The following CHEK2 variants were observed in gnomAD, a reference collection of about 807,000 sequenced individuals.
The protein encoded by CHEK2 is serine/threonine-protein kinase Chk2.
A neutral mutation model predicts 69.1 loss-of-function variants in CHEK2; 71 were observed. The ratio of observed to expected loss-of-function variants is 1.03; its 90% confidence interval spans 0.85 to 1.25. The LOEUF (loss-of-function observed/expected upper bound fraction) is 1.25, where lower values mean the gene tolerates loss of function less well. Among genes scored for constraint, CHEK2 ranks in the 50% most tolerant of loss-of-function variants. The pLI is 0.00. For synonymous variants in CHEK2, 189 were observed against 226.9 expected (o/e 0.83, Z 1.50); for missense variants, 664 against 649.6 (o/e 1.02, Z -0.24).
chr22:28,740,407 A>G (rs2054522318), intron 1 of CHEK2, among the ~76,000 whole-genome samples: 1 of 152,144 alleles, frequency 6.6e-6, no homozygotes, highest in African/African-American at 2.4e-5. Context: ...TCTTCCTTAC[A>G]AGACACTGAC....
intron 6 of CHEK2, among the ~76,000 whole-genome samples, chr22:28,710,885 G>A (rs778642833): frequency 1.3e-5 from 2 of 152,054 alleles, no homozygotes; most frequent in Non-Finnish European, 2.9e-5. Flanking sequence ...AAATCAAAAC[G>A]TAAAATTTTA....
intron 8 of CHEK2, among the ~76,000 whole-genome samples, chr22:28,700,319 C>T (rs1172330474): frequency 6.7e-6 from 1 of 149,302 alleles, no homozygotes; most frequent in Non-Finnish European, 1.5e-5. Flanking sequence ...TCAAGTGATT[C>T]TCATGCCTTA....
intron 5 of CHEK2, among the ~76,000 whole-genome samples, chr22:28,712,875 T>G (rs567781591): frequency 2.6e-4 from 39 of 152,206 alleles, no homozygotes; most frequent in Non-Finnish European, 5.1e-4. Context: ...TTAAGTACAT[T>G]TGCCAATGTT....
At chr22:28,704,912 T>C (rs949776790) in intron 7 of CHEK2, among the ~76,000 whole-genome samples, 2 of 152,108 alleles carry the variant, frequency 1.3e-5, no homozygotes, top group South Asian at 2.1e-4. Context: ...CCACAATGAA[T>C]TGTTATATAG....
intron 5 of CHEK2, among the ~76,000 whole-genome samples, chr22:28,713,262 A>G (rs1422571419): frequency 1.3e-5 from 2 of 152,230 alleles, no homozygotes. Context: ...TGGTTTCTTC[A>G]GTATGACAAC....
At position 28,741,764 on chromosome 22, in the gene CHEK2, C is replaced by T; in HGVS notation, c.-7+5G>A. 2.3e-6 allele frequency: 1 copy of T among 428,750 alleles called. No homozygotes were observed. Among genetic ancestry groups the T allele is most frequent in the South Asian group, 2.5e-5 (1 of 39,602 alleles). The allele number at this position is 428,750 out of a possible 1,614,324, so 26.6% of individuals were successfully genotyped here. A position where few individuals can be genotyped will look rare whatever the true frequency, so the allele number is the denominator to read the frequency against. On this transcript the variant is annotated splice_donor_5th_base_variant and intron_variant, in intron 1 of 14. Transcript: ENST00000404276. ...CACCCAACAGAAGTTCCCCATATGA[C>T]TCACCGCGTGAGCCCACCTGGAGCC...
chr22:28,737,363 AAT>A (rs1601359804), intron 1 of CHEK2: 4 of 433,720 alleles, frequency 9.2e-6, no homozygotes, highest in Middle Eastern at 3.5e-4. Context: ...TTCTCTTTAC[AAT>A]ATCCAAATTG....
chr22:28,721,624 T>C, intron 4 of CHEK2: 1 of 461,810 alleles, frequency 2.2e-6, no homozygotes, highest in Non-Finnish European at 4.5e-6. Flanking sequence ...AGATTTTAAG[T>C]ATTTTCTCTA....
chr22:28,720,185 G>GT lies in CHEK2; in HGVS notation c.593-701_593-700insA, dbSNP rs2053726715. The stretch of plus-strand genomic sequence containing the variant: ...AGCTCACTGCAACCTCCACCTCCCA[G>GT]GTTCAAGCAATTTTTGTGCCTCAGC... On this transcript the variant is annotated intron_variant, in intron 4 of 14. Coordinates refer to ENST00000404276, the MANE Select transcript of CHEK2 (RefSeq NM_007194.4). Among the ~76,000 whole-genome samples, 3 of 149,190 alleles carry GT rather than the reference G, an allele frequency of 2.0e-5. No individual in the cohort carries two copies. In the South Asian group the frequency reaches 6.4e-4, roughly 32 times the overall value.
At chr22:28,718,162 CATG>C (rs1457306599) in intron 5 of CHEK2, among the ~76,000 whole-genome samples, 1 of 152,084 alleles carries the variant, frequency 6.6e-6, no homozygotes, top group Non-Finnish European at 1.5e-5. Flanking sequence ...ATGCACCTAT[CATG>C]ATGTATGAAA....
chr22:28,721,563 A>T (rs1033487089), intron 4 of CHEK2: 1 of 452,198 alleles, frequency 2.2e-6, no homozygotes, highest in Non-Finnish European at 4.6e-6. Context: ...CTGGGATTAA[A>T]GACGTGAGCC....
chr22:28,725,769 T>G (rs1045554470), intron 2 of CHEK2, among the ~76,000 whole-genome samples: 1 of 151,584 alleles, frequency 6.6e-6, no homozygotes, highest in African/African-American at 2.4e-5. Context: ...ATCAGCAGGG[T>G]GTGGTGGTGG....
At chr22:28,694,328 C>T (rs1404413851) in intron 12 of CHEK2, among the ~76,000 whole-genome samples, 1 of 152,180 alleles carries the variant, frequency 6.6e-6, no homozygotes, top group African/African-American at 2.4e-5. Context: ...CTGTCTCCTG[C>T]TGCTGGGACG....
intron 2 of CHEK2, among the ~76,000 whole-genome samples, chr22:28,731,008 A>G (rs2054198750): frequency 6.6e-6 from 1 of 152,118 alleles, no homozygotes; most frequent in Admixed American, 6.6e-5. Flanking sequence ...GTTTGAGACC[A>G]GACTGCAACA....
At chr22:28,719,300 T>C (rs1348057947) in intron 5 of CHEK2, 95 bp downstream of exon 5, 1 of 660,828 alleles carries the variant, frequency 1.5e-6, no homozygotes, top group African/African-American at 1.8e-5. Flanking sequence ...ATGTTATCAA[T>C]ACATAATGAG....
intron 2 of CHEK2, among the ~76,000 whole-genome samples, chr22:28,731,908 A>G (rs2054228584): frequency 6.6e-6 from 1 of 151,860 alleles, no homozygotes; most frequent in Non-Finnish European, 1.5e-5. Flanking sequence ...ATCTAAACCT[A>G]TAGGCCTATC....
chr22:28,725,178 G>A (rs763797009), intron 3 of CHEK2, 54 bp from the exon 4 acceptor site: 98 of 1,613,582 alleles, frequency 6.1e-5, no homozygotes, highest in Non-Finnish European at 7.5e-5. Flanking sequence ...TTTATAGTGG[G>A]AAAATATCTA....
At position 28,696,929 on chromosome 22, in the gene CHEK2, G is replaced by T; in HGVS notation, c.1067C>A (p.Ser356Ter). The T allele has an allele frequency of 6.2e-7, 1 of 1,612,914 alleles. No individual in the cohort carries two copies. The highest frequency in any genetic ancestry group is 2.2e-5 in the East Asian group (1 of 44,870). The stretch of plus-strand genomic sequence containing the variant: ...TATAAGACAGTCCTCTTCTTGAGAT[G>T]ACAGTAAAACATTCTCTGGCTTTAA... ...RDLKPENVLL[S>*]SQEEDCLIKI... Residue 356 changes from serine to a stop codon, truncating the protein, a stop_gained, in exon 10 of 15, where the codon TCA becomes TAA. Coordinates refer to ENST00000404276, the MANE Select transcript of CHEK2 (RefSeq NM_007194.4). LOFTEE classifies it high-confidence loss of function.
At chr22:28,732,477 C>A (rs1293599873) in intron 2 of CHEK2, among the ~76,000 whole-genome samples, 1 of 152,002 alleles carries the variant, frequency 6.6e-6, no homozygotes, top group Non-Finnish European at 1.5e-5. Flanking sequence ...AAACTCCTGA[C>A]CTCAGGTGAT....
Sources: gnomAD v4.1 joint callset for allele counts (sites outside exome capture counted in the v4.1 genomes callset) on GRCh38, gnomAD v4.1.1 for gene constraint, MANE v1.5 for transcripts, NCBI Gene and HGNC (gene_info 2026-07-23, HGNC 2026-07-21) for gene names.